CERKL: variants seen among roughly 807,000 people sequenced by gnomAD.
The protein encoded by CERKL is ceramide kinase-like protein.
A neutral mutation model predicts 63.4 loss-of-function variants in CERKL; 61 were observed. The ratio of observed to expected loss-of-function variants is 0.96; its 90% CI spans 0.78 to 1.19. The LOEUF (loss-of-function observed/expected upper bound fraction) is 1.19. Ranked by LOEUF, CERKL falls within the 50% of genes most tolerant of loss-of-function variation. The pLI, the probability that CERKL is intolerant of heterozygous loss-of-function variation, is 0.00. For missense variants in CERKL, 675 were observed against 655.5 expected (o/e 1.03, Z -0.33); for synonymous variants, 250 against 230.5 (o/e 1.08, Z -0.77).
chr2:181,571,917 G>A (rs1688918709), intron 3 of CERKL, among the ~76,000 whole-genome samples: 1 of 152,102 alleles, frequency 6.6e-6, no homozygotes, highest in Non-Finnish European at 1.5e-5. Flanking sequence ...GGTCTCTCTT[G>A]CACACATATG....
chr2:181,640,489 T>C (rs544708337), intron 1 of CERKL, among the ~76,000 whole-genome samples: 60 of 152,326 alleles, frequency 3.9e-4, no homozygotes, highest in African/African-American at 1.4e-3. Context: ...AAATGTAATC[T>C]AATAACCCAA....
chr2:181,656,797 C>T lies in CERKL; in HGVS notation c.210G>A (p.Trp70Ter). ...DVVLSERALR[W>*]RPIQPERPAG... The stretch of plus-strand genomic sequence containing the variant: ...CCGGGCGCTCGGGCTGAATGGGCCG[C>T]CACCGCAGTGCTCGCTCGCTCAGCA... Residue 70 changes from tryptophan (W) to a stop codon, truncating the protein, a stop_gained, in exon 1 of 13, where the codon TGG (tryptophan) becomes TGA (stop). Transcript: ENST00000410087. LOFTEE classifies it high-confidence loss of function. 6.3e-7 allele frequency: 1 copy of T among 1,596,670 alleles called. No homozygotes were observed. Among genetic ancestry groups the T allele is most frequent in the South Asian group, 1.1e-5 (1 of 89,756 alleles).
At chr2:181,578,225 C>A (rs1214809212) in intron 2 of CERKL, among the ~76,000 whole-genome samples, 5 of 149,962 alleles carry the variant, frequency 3.3e-5, no homozygotes, top group Non-Finnish European at 7.4e-5. Context: ...TATATATACA[C>A]ACACACATAT....
At position 181,537,383 on chromosome 2, in the gene CERKL, G is replaced by C; in HGVS notation, c.*801C>G. The C allele has an allele frequency of 2.2e-6, 1 of 453,286 alleles. No homozygotes were observed. The highest frequency in any genetic ancestry group is 4.4e-6 in the Non-Finnish European group (1 of 226,334). 28.1% of individuals were successfully genotyped at this position (453,286 alleles called of 1,614,324 possible). A position where few individuals can be genotyped will look rare whatever the true frequency, so the allele number is the denominator to read the frequency against. ...CAAGGGGAACACAATTACATATTGGGCTAGATTTTGCCCAGTTCAAAATAG... is the reference window on the plus strand; with the variant it reads ...CAAGGGGAACACAATTACATATTGGCCTAGATTTTGCCCAGTTCAAAATAG... On this transcript the variant is annotated 3_prime_UTR_variant, in exon 13 of 13. Transcript: ENST00000410087.
chr2:181,623,575 T>G (rs1459002416), intron 1 of CERKL, among the ~76,000 whole-genome samples: 1 of 152,234 alleles, frequency 6.6e-6, no homozygotes, highest in Non-Finnish European at 1.5e-5. Context: ...ATTGGAAACC[T>G]TCCACATGCC....
intron 1 of CERKL, among the ~76,000 whole-genome samples, chr2:181,628,617 T>C (rs1352308810): frequency 9.9e-5 from 15 of 152,212 alleles, no homozygotes. Context: ...CAAACAACTT[T>C]CAAATAATGA....
intron 4 of CERKL, among the ~76,000 whole-genome samples, chr2:181,560,310 T>A (rs1688383522): frequency 6.6e-6 from 1 of 152,254 alleles, no homozygotes; most frequent in Non-Finnish European, 1.5e-5. Flanking sequence ...GACCCTTACA[T>A]ACATAGGATG....
At chr2:181,622,258 A>G (rs1271615265) in intron 1 of CERKL, among the ~76,000 whole-genome samples, 1 of 152,220 alleles carries the variant, frequency 6.6e-6, no homozygotes, top group Non-Finnish European at 1.5e-5. Context: ...CTCAAGCCGC[A>G]TGCTCTTTGC....
At chr2:181,548,429 T>G in intron 8 of CERKL, 116 bp downstream of exon 8, 1 of 804,960 alleles carries the variant, frequency 1.2e-6, no homozygotes, top group Non-Finnish European at 2.1e-6. Flanking sequence ...GATTCTATAT[T>G]CTTTACTACT....
chr2:181,555,281 A>G (rs1049943945), intron 5 of CERKL, among the ~76,000 whole-genome samples: 1 of 152,172 alleles, frequency 6.6e-6, no homozygotes, highest in Non-Finnish European at 1.5e-5. Context: ...TCCACTTTGC[A>G]TGGAAGGAAA....
intron 3 of CERKL, among the ~76,000 whole-genome samples, 192 bp from the exon 4 acceptor site, chr2:181,566,313 G>T (rs1688665301): frequency 6.6e-6 from 1 of 152,280 alleles, no homozygotes; most frequent in African/African-American, 2.4e-5. Context: ...ATAGCTTTAT[G>T]TAAGAGAAGG....
chr2:181,539,224 A>G lies in CERKL; in HGVS notation c.1406T>C (p.Val469Ala). The change falls in exon 12 of 13, where the codon GTA becomes GCA. Residue 469 changes from valine (V) to alanine (A), a missense_variant. By Grantham distance (64) the Val-to-Ala change is moderately conservative. Transcript: ENST00000410087. ...PFVETYTVEEVKVHPRNNTGG... is the reference protein window; with the variant it reads ...PFVETYTVEEAKVHPRNNTGG... ...AGTATTATTCCTTGGATGAACTTTT[A>G]CTTCCTCAACAGTGTAAGTCTCAAC... 1 of 1,601,596 alleles carries G rather than the reference A, an allele frequency of 6.2e-7. No homozygotes were observed. The highest frequency in any genetic ancestry group is 1.1e-5 in the South Asian group (1 of 90,824).
chr2:181,574,404 G>T (rs972460032), intron 2 of CERKL, among the ~76,000 whole-genome samples: 9 of 152,216 alleles, frequency 5.9e-5, no homozygotes, highest in African/African-American at 1.7e-4. Context: ...AGTACCAAGT[G>T]CAGTGCATGC....
At chr2:181,650,149 GGAAGGAAGGAAGGAAA>G (rs1484653602) in intron 1 of CERKL, 16 of 136,494 alleles carry the variant, frequency 1.2e-4, no homozygotes, top group African/African-American at 4.4e-4. Flanking sequence ...AAGGAAGGAA[GGAAGGAAGGAAGGAAA>G]GAAGGAAGGA....
intron 1 of CERKL, among the ~76,000 whole-genome samples, chr2:181,616,087 T>G (rs1239928742): frequency 6.6e-6 from 1 of 152,118 alleles, no homozygotes; most frequent in Non-Finnish European, 1.5e-5. Flanking sequence ...TTTTTCCATT[T>G]AGTTGTTTCT....
At position 181,613,188 on chromosome 2, in the gene CERKL, C is replaced by T. The variant is rs183936866; in HGVS notation, c.239-9109G>A. Among the ~76,000 whole-genome samples, 193 of 152,198 alleles carry T rather than the reference C, an allele frequency of 1.3e-3. 1 individual carries two copies. Among genetic ancestry groups the T allele is most frequent in the African/African-American group, 4.4e-3 (181 of 41,532 alleles). Reference sequence around the variant, plus strand: ...TTCCCCTCCCCCAGCTCTTGACAACCGCAATTGTACTCTCTGCTTCTATAA... The same window carrying T: ...TTCCCCTCCCCCAGCTCTTGACAACTGCAATTGTACTCTCTGCTTCTATAA... On this transcript the variant is annotated intron_variant, in intron 1 of 12. Transcript: ENST00000410087.
At chr2:181,649,147 A>G (rs1687793580) in intron 1 of CERKL, among the ~76,000 whole-genome samples, 2 of 152,228 alleles carry the variant, frequency 1.3e-5, no homozygotes, top group African/African-American at 4.8e-5. Context: ...AAACTCAGCT[A>G]CATGCTGCCT....
intron 11 of CERKL, 113 bp from the exon 12 acceptor site, chr2:181,539,377 T>C (rs1687384495): frequency 5.7e-6 from 4 of 706,080 alleles, no homozygotes; most frequent in Non-Finnish European, 9.8e-6. Flanking sequence ...TGCTGACATT[T>C]TAATAGCTTT....
chr2:181,630,815 C>A (rs1469607331), intron 1 of CERKL, among the ~76,000 whole-genome samples: 1 of 152,222 alleles, frequency 6.6e-6, no homozygotes, highest in African/African-American at 2.4e-5. Context: ...GTTTTAATTT[C>A]TACTTTAGCA....
Sources: allele counts gnomAD v4.1 joint callset (sites outside exome capture counted in the v4.1 genomes callset), GRCh38; gene constraint gnomAD v4.1.1; transcripts MANE v1.5; gene names NCBI Gene and HGNC (gene_info 2026-07-23, HGNC 2026-07-21).